The following SLC12A3 variants were observed in gnomAD, a reference collection of about 807,000 sequenced individuals.
SLC12A3 encodes the protein solute carrier family 12 member 3, also known as Na-Cl cotransporter.
Under a neutral mutation model 121.0 loss-of-function variants are expected in SLC12A3, and 104 were observed. That is an observed-to-expected ratio of 0.86 (90% CI 0.73 to 1.01). The LOEUF is 1.01. Among genes scored for constraint, SLC12A3 ranks in the 50% least tolerant of loss-of-function variants. SLC12A3 has a pLI of 0.00. For missense variants in SLC12A3, 1,328 were observed against 1,356.3 expected, an observed-to-expected ratio of 0.98 and a Z score of 0.33; for synonymous variants, 536 against 533.4, an observed-to-expected ratio of 1.00 and a Z score of -0.07.
intron 21 of SLC12A3, among the ~76,000 whole-genome samples, chr16:56,893,657 T>C (rs1018790334): frequency 4.5e-4 from 69 of 152,358 alleles, no homozygotes; most frequent in African/African-American, 1.5e-3. Context: ...CCCTTGGTCT[T>C]GTGTGGAGAG....
intron 6 of SLC12A3, among the ~76,000 whole-genome samples, chr16:56,871,203 G>A (rs1021916739): frequency 1.3e-5 from 2 of 152,246 alleles, no homozygotes; most frequent in East Asian, 1.9e-4. Context: ...TCAGGGGGCC[G>A]GGCACCCAGA....
intron 25 of SLC12A3, chr16:56,904,876 A>G (rs1430773063): frequency 3.0e-6 from 1 of 332,486 alleles, no homozygotes; most frequent in Non-Finnish European, 5.9e-6. Flanking sequence ...AGCCTGAGCA[A>G]CAGAAACAGA....
intron 25 of SLC12A3, chr16:56,906,953 G>A: frequency 2.7e-6 from 1 of 369,886 alleles, no homozygotes; most frequent in Non-Finnish European, 5.0e-6. Context: ...AGCCAAAGGA[G>A]TAAAGGGGCG....
Position 56,887,007 on chromosome 16 carries a change from A to AAGTGGCTG in SLC12A3, c.2094_2101dup (p.Asn701SerfsTer3). 1 of 1,613,664 alleles carries AAGTGGCTG rather than the reference A, an allele frequency of 6.2e-7. No individual in the cohort carries two copies. The highest frequency in any genetic ancestry group is 8.5e-7 in the Non-Finnish European group (1 of 1,179,880). On this transcript the variant is annotated frameshift_variant, in exon 17 of 26. Coordinates refer to ENST00000563236, the MANE Select transcript of SLC12A3 (RefSeq NM_001126108.2). LOFTEE classifies it high-confidence loss of function. ...CCAGCTCATCGCCAACGGGCACACC[A>AAGTGGCTG]AGTGGCTGAACAAGAGGAAGATCAA...
In SLC12A3 at chr16:56,884,085, C is replaced by A. The variant is rs79351185; in HGVS notation, c.1706C>A (p.Ala569Glu). 1 of 1,614,220 alleles carries A rather than the reference C, an allele frequency of 6.2e-7. No homozygotes were observed. The highest frequency in any genetic ancestry group is 1.7e-5 in the Admixed American group (1 of 60,020). ...RPSFQYYNKWAALFGAIISVV... is the reference protein window; with the variant it reads ...RPSFQYYNKWEALFGAIISVV... The stretch of plus-strand genomic sequence containing the variant: ...TCATTCCAATACTACAACAAGTGGG[C>A]GGCGCTGTTTGGGGCTATCATCTCC... The change falls in exon 14 of 26, where the codon GCG becomes GAG. Residue 569 changes from alanine to glutamate, a missense_variant. Coordinates refer to ENST00000563236, the MANE Select transcript of SLC12A3 (RefSeq NM_001126108.2).
intron 2 of SLC12A3, among the ~76,000 whole-genome samples, chr16:56,867,827 C>T (rs1964395996): frequency 1.3e-5 from 2 of 152,324 alleles, no homozygotes; most frequent in South Asian, 4.1e-4. Context: ...GAAGCTTCAG[C>T]CTCCATCTCG....
At position 56,870,786 on chromosome 16, in the gene SLC12A3, C is replaced by T. The variant is rs767327054; in HGVS notation, c.852+50C>T. On this transcript the variant is annotated intron_variant, in intron 6 of 25. Transcript: ENST00000563236. ...ACATGGAGGTGGTCACGTGGAGAAG[C>T]GGGGGTTGCCAGGCCTGGGCCCTCC... is the stretch of plus-strand genomic sequence containing the variant. The T allele has an allele frequency of 4.6e-5, 54 of 1,173,720 alleles. No individual in the cohort carries two copies. The Admixed American group carries it at 6.4e-4, about 14-fold the overall frequency. The allele number at this position is 1,173,720 out of a possible 1,614,324, so 72.7% of individuals were successfully genotyped here. A position where few individuals can be genotyped will look rare whatever the true frequency, so the allele number is the denominator to read the frequency against.
At position 56,910,698 on chromosome 16, in the gene SLC12A3, A is replaced by G. The variant is rs1314331314; in HGVS notation, c.2925-2566A>G. On this transcript the variant is annotated intron_variant, in intron 25 of 25. Coordinates refer to ENST00000563236, the MANE Select transcript of SLC12A3 (RefSeq NM_001126108.2). Reference sequence around the variant, plus strand: ...ACTTTAGAGATGAGGAAGCAGCTTCAGAGAAGTTAAGCAACTTGGCCAGGG... The same window carrying G: ...ACTTTAGAGATGAGGAAGCAGCTTCGGAGAAGTTAAGCAACTTGGCCAGGG... Among the ~76,000 whole-genome samples, 4 of 152,238 alleles carry G rather than the reference A, an allele frequency of 2.6e-5. No homozygotes were observed. In the East Asian group the frequency reaches 7.7e-4, roughly 29 times the overall value.
At position 56,896,340 on chromosome 16, in the gene SLC12A3, G is replaced by A. The variant is rs879373734; in HGVS notation, c.2633+1698G>A. ...CCGGAGCAAGAGGAGTAGGCTGGAT[G>A]CATGGGCTTGGCAGGCAATGGCATC... On this transcript the variant is annotated intron_variant, in intron 22 of 25. Transcript: ENST00000563236. Among the ~76,000 whole-genome samples the A allele has an allele frequency of 1.1e-4, 17 of 152,356 alleles. No homozygotes were observed. In the South Asian group the frequency reaches 2.1e-3, roughly 19 times the overall value.
In SLC12A3 at chr16:56,892,914, GCTGCTGGCTCTGCTCTGAC is replaced by G. The variant is rs760759330; in HGVS notation, c.2420-37_2420-19del. 4 of 1,561,972 alleles carry G rather than the reference GCTGCTGGCTCTGCTCTGAC, an allele frequency of 2.6e-6. No individual in the cohort carries two copies. Among genetic ancestry groups the G allele is most frequent in the Non-Finnish European group, 3.5e-6 (4 of 1,134,426 alleles). On this transcript the variant is annotated intron_variant, in intron 20 of 25. Coordinates refer to ENST00000563236, the MANE Select transcript of SLC12A3 (RefSeq NM_001126108.2). ...TGGGCCAGGCCTGCCTGGATGCGCG[GCTGCTGGCTCTGCTCTGAC>G]CCGCCCCCACCTCCTGCAGTGGACC... is the stretch of plus-strand genomic sequence containing the variant.
At chr16:56,872,264 G>A (rs1471223989) in intron 6 of SLC12A3, 87 bp from the exon 7 acceptor site, 17 of 871,920 alleles carry the variant, frequency 1.9e-5, no homozygotes, top group Non-Finnish European at 2.9e-5. Context: ...ATGGAGAAAC[G>A]GGCCCTGGGC....
chr16:56,880,185 G>C lies in SLC12A3; in HGVS notation c.1499G>C (p.Gly500Ala). 1 of 1,602,956 alleles carries C rather than the reference G, an allele frequency of 6.2e-7. No homozygotes were observed. The highest frequency in any genetic ancestry group is 8.5e-7 in the Non-Finnish European group (1 of 1,175,736). Residue 500 changes from glycine to alanine, a missense_variant, in exon 12 of 26, where the codon GGC (glycine) becomes GCC (alanine). By Grantham distance (60) the Gly-to-Ala change is moderately conservative. Coordinates refer to ENST00000563236, the MANE Select transcript of SLC12A3 (RefSeq NM_001126108.2). ...PLIGFFGKGY[G>A]KNKEPVRGYL... ...ATCGGCTTCTTCGGCAAAGGCTATG[G>C]CAAGAACAAGGAGCCCGTGCGTGGC...
At chr16:56,875,490 G>T (rs371555742) in intron 8 of SLC12A3, among the ~76,000 whole-genome samples, 1 of 152,230 alleles carries the variant, frequency 6.6e-6, no homozygotes, top group African/African-American at 2.4e-5. Context: ...TCGGGGGCCT[G>T]CCCAGGACTA....
intron 8 of SLC12A3, among the ~76,000 whole-genome samples, chr16:56,877,640 C>CA (rs2055179756): frequency 6.6e-6 from 1 of 152,152 alleles, no homozygotes; most frequent in African/African-American, 2.4e-5. Flanking sequence ...GATGAGGGGC[C>CA]GGGGTGTGAG....
At chr16:56,868,399 G>GCGC in intron 3 of SLC12A3, 27 bp downstream of exon 3, 1 of 1,596,896 alleles carries the variant, frequency 6.3e-7, no homozygotes, top group Non-Finnish European at 8.6e-7. Context: ...GGAAGAGGAG[G>GCGC]GAGGGCTTGC....
At chr16:56,906,472 G>A (rs190948457) in intron 25 of SLC12A3, 1 of 161,090 alleles carries the variant, frequency 6.2e-6, no homozygotes. Context: ...TGGACCTCCA[G>A]TCTGTCTTAA....
Position 56,868,392 on chromosome 16 carries a change from AGAG to A in SLC12A3, c.505+25_505+27del, listed in dbSNP as rs748668695. On this transcript the variant is annotated intron_variant, in intron 3 of 25. Coordinates refer to ENST00000563236, the MANE Select transcript of SLC12A3 (RefSeq NM_001126108.2). ...GCATCGGTGAGTGCCCCTCTGGGGAAGAGGAGGGAGGGCTTGCCTGAATCCCAT... is the reference window on the plus strand; with the variant it reads ...GCATCGGTGAGTGCCCCTCTGGGGAAGAGGGAGGGCTTGCCTGAATCCCAT... The A allele has an allele frequency of 1.9e-6, 3 of 1,604,448 alleles. No homozygotes were observed. The highest frequency in any genetic ancestry group is 1.7e-5 in the Admixed American group (1 of 59,416).
At chr16:56,907,487 C>T (rs577624979) in intron 25 of SLC12A3, among the ~76,000 whole-genome samples, 8 of 152,308 alleles carry the variant, frequency 5.3e-5, no homozygotes, top group Non-Finnish European at 1.2e-4. Flanking sequence ...CTTCCATACA[C>T]GACAGCAGTT....
chr16:56,905,497 C>T (rs868144145), intron 25 of SLC12A3, among the ~76,000 whole-genome samples: 8 of 152,220 alleles, frequency 5.3e-5, no homozygotes, highest in South Asian at 4.1e-4. Flanking sequence ...AGGGATCTTT[C>T]GGCTCTGGTG....
Sources: allele counts gnomAD v4.1 joint callset (sites outside exome capture counted in the v4.1 genomes callset), GRCh38; gene constraint gnomAD v4.1.1; transcripts MANE v1.5; gene names NCBI Gene and HGNC (gene_info 2026-07-23, HGNC 2026-07-21).